RABL2A: variants seen among roughly 807,000 people sequenced by gnomAD.
RABL2A encodes RAB, member of RAS oncogene family like 2A, also known as rab-like protein 2A.
In RABL2A, 17 loss-of-function variants were observed where a neutral mutation model predicts 30.7. The observed-to-expected ratio is 0.55, with a 90% CI of 0.38 to 0.83. The LOEUF (loss-of-function observed/expected upper bound fraction) is 0.83. Among genes scored for constraint, RABL2A ranks in the 40% least tolerant of loss-of-function variants. RABL2A has a pLI of 0.00. For missense variants in RABL2A, 155 were observed against 272.6 expected, an observed-to-expected ratio of 0.57 and a Z score of 3.04; for synonymous variants, 64 against 101.8, an observed-to-expected ratio of 0.63 and a Z score of 2.24.
chr2:113,641,592 A>T, intron 7 of RABL2A, 142 bp downstream of exon 7: 2 of 1,560,690 alleles, frequency 1.3e-6, no homozygotes, highest in Non-Finnish European at 1.7e-6. Flanking sequence ...GGAGGAGCTG[A>T]TGGGCCTGGA....
At position 113,628,848 on chromosome 2, in the gene RABL2A, T is replaced by C. The variant is rs1679125142; in HGVS notation, c.107+135T>C. 3 of 1,515,254 alleles carry C rather than the reference T, an allele frequency of 2.0e-6. No individual in the cohort carries two copies. In the East Asian group the frequency reaches 6.8e-5, roughly 35 times the overall value. The allele number at this position is 1,515,254 out of a possible 1,614,324, so 93.9% of individuals were successfully genotyped here. The stretch of plus-strand genomic sequence containing the variant: ...GTCTTGGCTGGAGCCCAGATGTTCA[T>C]GGGGGAACGAGGGGAATCACATGAC... On this transcript the variant is annotated intron_variant, in intron 2 of 8. Transcript: ENST00000683472.
Position 113,642,287 on chromosome 2 carries a change from G to A in RABL2A, c.*158G>A. The A allele has an allele frequency of 1.4e-6, 2 of 1,461,544 alleles. No individual in the cohort carries two copies. Among genetic ancestry groups the A allele is most frequent in the Non-Finnish European group, 1.8e-6 (2 of 1,101,674 alleles). The allele number at this position is 1,461,544 out of a possible 1,614,324, so 90.5% of individuals were successfully genotyped here. A position where few individuals can be genotyped will look rare whatever the true frequency, so the allele number is the denominator to read the frequency against. ...CCCACATTCAAGGCCCGTGATACAG[G>A]GATGAGGTCAGCACCAGCAAACTCT... On this transcript the variant is annotated 3_prime_UTR_variant, in exon 9 of 9. Transcript: ENST00000683472.
At chr2:113,636,715 G>GC in intron 5 of RABL2A, among the ~76,000 whole-genome samples, 1 of 151,818 alleles carries the variant, frequency 6.6e-6, no homozygotes, top group Non-Finnish European at 1.5e-5. Context: ...TGGGCCGGGT[G>GC]CGGTGGCTCA....
rs1028271143 is a variant in RABL2A, at chr2:113,641,666, G to A, written c.508-115G>A. On this transcript the variant is annotated intron_variant, in intron 7 of 8. Coordinates refer to ENST00000683472, the MANE Select transcript of RABL2A (RefSeq NM_001306158.2). Reference sequence around the variant, plus strand: ...GGGTGACGGGGAGAGGCAAATGGAGGGGTAAGGTTGCTGATTTTAGGAATG... The same window carrying A: ...GGGTGACGGGGAGAGGCAAATGGAGAGGTAAGGTTGCTGATTTTAGGAATG... 1.9e-5 allele frequency: 12 copies of A among 624,044 alleles called. 1 individual carries two copies. The South Asian group carries it at 2.4e-4, about 12-fold the overall frequency. 38.7% of individuals were successfully genotyped at this position (624,044 alleles called of 1,614,324 possible).
intron 5 of RABL2A, chr2:113,638,130 G>A: frequency 1.0e-6 from 1 of 985,436 alleles, no homozygotes. Context: ...TCTGAGCCTG[G>A]TGTGAGGCAG....
At chr2:113,639,719 G>C (rs1473068573) in intron 5 of RABL2A, among the ~76,000 whole-genome samples, 2 of 152,074 alleles carry the variant, frequency 1.3e-5, no homozygotes, top group Non-Finnish European at 2.9e-5. Context: ...AGCCAGGCAT[G>C]GTGGCGCACA....
At chr2:113,634,996 G>T in intron 4 of RABL2A, 55 bp from the exon 5 acceptor site, 1 of 1,613,738 alleles carries the variant, frequency 6.2e-7, no homozygotes, top group Non-Finnish European at 8.5e-7. Flanking sequence ...TTGTATCTTA[G>T]TGACTTGCAC....
chr2:113,630,360 T>C (rs1161180646), intron 2 of RABL2A, among the ~76,000 whole-genome samples: 4 of 152,212 alleles, frequency 2.6e-5, no homozygotes, highest in African/African-American at 9.6e-5. Flanking sequence ...CTCTAACCTA[T>C]GAATCTAAAC....
chr2:113,630,802 G>A (rs1680021519), intron 2 of RABL2A, among the ~76,000 whole-genome samples: 1 of 152,108 alleles, frequency 6.6e-6, no homozygotes, highest in Admixed American at 6.5e-5. Context: ...CCACCTTCCT[G>A]AGCTGCCATT....
intron 2 of RABL2A, among the ~76,000 whole-genome samples, chr2:113,631,183 C>A (rs1014921359): frequency 6.6e-6 from 1 of 152,230 alleles, no homozygotes; most frequent in African/African-American, 2.4e-5. Context: ...GTGTGAGCCA[C>A]CGCACCCAGC....
chr2:113,639,239 T>C (rs1234678069), intron 5 of RABL2A, among the ~76,000 whole-genome samples: 12 of 152,066 alleles, frequency 7.9e-5, no homozygotes, highest in African/African-American at 2.7e-4. Flanking sequence ...TAAGCCAAGA[T>C]TCTGCCACTG....
chr2:113,634,042 C>T (rs929093213), intron 3 of RABL2A, 111 bp from the exon 4 acceptor site: 4 of 1,452,712 alleles, frequency 2.8e-6, no homozygotes, highest in African/African-American at 2.8e-5. Flanking sequence ...ATCTCAATAA[C>T]TCCAAAGAGA....
chr2:113,629,135 A>AT (rs549077220), intron 2 of RABL2A, among the ~76,000 whole-genome samples: 25 of 145,448 alleles, frequency 1.7e-4, no homozygotes, highest in Non-Finnish European at 3.6e-4. Flanking sequence ...GATTGACTAT[A>AT]ATCATTGTGA....
intron 5 of RABL2A, chr2:113,638,501 G>T: frequency 1.0e-6 from 1 of 985,390 alleles, no homozygotes; most frequent in Non-Finnish European, 1.2e-6. Flanking sequence ...TGTAGCAGCA[G>T]CTCAGTTGTC....
At chr2:113,635,555 C>T (rs891173843) in intron 5 of RABL2A, 84 of 285,284 alleles carry the variant, frequency 2.9e-4, no homozygotes, top group African/African-American at 1.6e-3. Flanking sequence ...TCTCTCAGGC[C>T]AGCCCCTCGC....
chr2:113,630,633 C>CTT (rs762784349), intron 2 of RABL2A, among the ~76,000 whole-genome samples: 314 of 141,854 alleles, frequency 2.2e-3, no homozygotes, highest in African/African-American at 6.8e-3. Flanking sequence ...TTTAAGGTGC[C>CTT]TTTTTTTTTT....
chr2:113,639,971 T>G (rs1182919112), intron 5 of RABL2A: 5 of 149,952 alleles, frequency 3.3e-5, no homozygotes, highest in African/African-American at 9.8e-5. Flanking sequence ...CTGGGTAACA[T>G]AGGGAGAGCC....
chr2:113,630,977 A>G (rs1164329010), intron 2 of RABL2A, among the ~76,000 whole-genome samples: 1 of 151,938 alleles, frequency 6.6e-6, no homozygotes, highest in Non-Finnish European at 1.5e-5. Flanking sequence ...GGCTCACTGC[A>G]ACCTCCGCCT....
intron 2 of RABL2A, among the ~76,000 whole-genome samples, chr2:113,632,622 C>T (rs1242222544): frequency 6.6e-6 from 1 of 152,232 alleles, no homozygotes; most frequent in Non-Finnish European, 1.5e-5. Context: ...TTTCCCTTTG[C>T]ATAACACAAG....
Sources: gnomAD v4.1 joint callset for allele counts (sites outside exome capture counted in the v4.1 genomes callset) on GRCh38, gnomAD v4.1.1 for gene constraint, MANE v1.5 for transcripts, NCBI Gene and HGNC (gene_info 2026-07-23, HGNC 2026-07-21) for gene names.